Variants in NBEA observed in about 807,000 individuals in gnomAD.
The protein encoded by NBEA is lysosomal-trafficking regulator 2.
In NBEA, 44 loss-of-function variants were observed where a neutral mutation model predicts 343.4. That is an observed-to-expected ratio of 0.13 (90% CI 0.10 to 0.16). The LOEUF (loss-of-function observed/expected upper bound fraction) is 0.16. Ranked by LOEUF, NBEA falls within the 10% of genes least tolerant of loss-of-function variation. The pLI is 1.00. For synonymous variants in NBEA, 1,175 were observed against 1,238.7 expected, an observed-to-expected ratio of 0.95 and a Z score of 1.08; for missense variants, 2,555 against 3,631.3, an observed-to-expected ratio of 0.70 and a Z score of 7.62.
rs540219818 is a variant in NBEA, at chr13:35,632,677, C to T, written c.7617+4429C>T. Among the ~76,000 whole-genome samples the T allele has an allele frequency of 2.6e-5, 4 of 151,918 alleles. 1 individual carries two copies. Among genetic ancestry groups the T allele is most frequent in the African/African-American group, 9.7e-5 (4 of 41,446 alleles). ...GCTGAAGTGCAGCGGCTTACTGCACCCCACCTCCCAGGTTCAAGCAATTCT... is the reference window on the plus strand; with the variant it reads ...GCTGAAGTGCAGCGGCTTACTGCACTCCACCTCCCAGGTTCAAGCAATTCT... On this transcript the variant is annotated intron_variant, in intron 49 of 58. Transcript: ENST00000379939.
At chr13:35,412,667 A>G (rs1296440976) in intron 38 of NBEA, among the ~76,000 whole-genome samples, 1 of 152,126 alleles carries the variant, frequency 6.6e-6, no homozygotes, top group Non-Finnish European at 1.5e-5. Flanking sequence ...CTCTATGTAT[A>G]TCATAGTTAT....
Position 35,173,545 on chromosome 13 carries a change from G to C in NBEA, c.4505G>C (p.Ser1502Thr), listed in dbSNP as rs1344779787. The change falls in exon 27 of 59, where the codon AGT becomes ACT. Residue 1502 changes from serine to threonine, a missense_variant. Physicochemically the swap from Ser to Thr is moderately conservative, Grantham distance 58. Transcript: ENST00000379939. ...DRGNKSSHGS[S>T]KPQEVPQSVT... ...GGAAATAAATCTTCCCATGGAAGCA[G>C]TAAACCTCAGGAAGTTCCTCAAAGT... is the stretch of plus-strand genomic sequence containing the variant. 1.9e-6 allele frequency: 3 copies of C among 1,612,236 alleles called. No homozygotes were observed. The highest frequency in any genetic ancestry group is 1.7e-6 in the Non-Finnish European group (2 of 1,178,814).
intron 36 of NBEA, among the ~76,000 whole-genome samples, chr13:35,328,638 C>T (rs1225717464): frequency 6.6e-6 from 1 of 151,872 alleles, no homozygotes; most frequent in Non-Finnish European, 1.5e-5. Flanking sequence ...ACTATATACC[C>T]ACAAAAATTA....
Position 35,628,131 on chromosome 13 carries a change from T to C in NBEA, c.7500T>C (p.Leu2500=), listed in dbSNP as rs769870232. 6.2e-6 allele frequency: 10 copies of C among 1,613,378 alleles called. No individual in the cohort carries two copies. Among genetic ancestry groups the C allele is most frequent in the Admixed American group, 1.7e-5 (1 of 59,952 alleles). The stretch of plus-strand genomic sequence containing the variant: ...GCCAACTTCATCAGTGGATCGACCT[T>C]ATATTTGGCTATAAGCAGCGAGGAC... The part of the protein sequence containing the change: ...VSCQLHQWID[L]IFGYKQRGPE... Residue 2500 remains leucine (L), a synonymous_variant, in exon 49 of 59, where the codon CTT becomes CTC. Coordinates refer to ENST00000379939, the MANE Select transcript of NBEA (RefSeq NM_001385012.1).
intron 1 of NBEA, among the ~76,000 whole-genome samples, chr13:34,989,123 C>A (rs1368320473): frequency 6.6e-6 from 1 of 150,578 alleles, no homozygotes; most frequent in Non-Finnish European, 1.5e-5. Context: ...TTTAATGATT[C>A]TTCTACATCT....
intron 47 of NBEA, among the ~76,000 whole-genome samples, chr13:35,594,140 T>C (rs553086167): frequency 6.6e-6 from 1 of 152,278 alleles, no homozygotes; most frequent in Non-Finnish European, 1.5e-5. Context: ...TCATTTTTTT[T>C]CCTGATAATA....
At chr13:35,560,778 T>A (rs2153021417) in intron 44 of NBEA, among the ~76,000 whole-genome samples, 1 of 152,302 alleles carries the variant, frequency 6.6e-6, no homozygotes, top group South Asian at 2.1e-4. Context: ...ATGACTGGAT[T>A]GGGGGCTTTC....
chr13:35,645,869 A>G lies in NBEA; in HGVS notation c.7618A>G (p.Ile2540Val). 1.3e-6 allele frequency: 2 copies of G among 1,561,330 alleles called. No individual in the cohort carries two copies. Among genetic ancestry groups the G allele is most frequent in the East Asian group, 2.3e-5 (1 of 44,174 alleles). The change falls in exon 50 of 59, where the codon ATT becomes GTT. Residue 2540 changes from isoleucine to valine, a missense_variant and splice_region_variant. Physicochemically the swap from Ile to Val is conservative, Grantham distance 29. Transcript: ENST00000379939. ...DSITDPVLRE[I>V]PEAYFIRDPH... Reference sequence around the variant, plus strand: ...CTCATTCTTTTTTTTCCCCATTAAGATTCCAGAAGCTTATTTCATTAGAGA... The same window carrying G: ...CTCATTCTTTTTTTTCCCCATTAAGGTTCCAGAAGCTTATTTCATTAGAGA...
chr13:35,584,714 G>A (rs1461853806), intron 46 of NBEA, among the ~76,000 whole-genome samples: 2 of 151,904 alleles, frequency 1.3e-5, no homozygotes, highest in Non-Finnish European at 2.9e-5. Flanking sequence ...TGGCCAGGCT[G>A]GTCTTGAACT....
At chr13:35,045,950 C>T (rs1217178290) in intron 4 of NBEA, among the ~76,000 whole-genome samples, 3 of 152,116 alleles carry the variant, frequency 2.0e-5, no homozygotes, top group South Asian at 4.1e-4. Context: ...TGCTCTCAAA[C>T]TCCTAACCTC....
intron 34 of NBEA, among the ~76,000 whole-genome samples, chr13:35,256,323 G>C (rs1173475489): frequency 6.6e-6 from 1 of 152,228 alleles, no homozygotes; most frequent in Non-Finnish European, 1.5e-5. Context: ...CATGATGTCT[G>C]TGTAAGTCTG....
intron 41 of NBEA, among the ~76,000 whole-genome samples, chr13:35,500,423 T>A (rs746778114): frequency 6.6e-6 from 1 of 152,124 alleles, no homozygotes; most frequent in East Asian, 1.9e-4. Context: ...TGTGGTGTGC[T>A]CCTTTACTGA....
At chr13:35,077,679 A>G (rs2064180376) in intron 10 of NBEA, among the ~76,000 whole-genome samples, 2 of 152,064 alleles carry the variant, frequency 1.3e-5, no homozygotes, top group African/African-American at 2.4e-5. Context: ...GTAATTTTCA[A>G]TGGGTAGAAG....
At position 35,645,938 on chromosome 13, in the gene NBEA, G is replaced by A. The variant is rs1372091850; in HGVS notation, c.7680+7G>A. The A allele has an allele frequency of 2.0e-6, 3 of 1,529,100 alleles. No individual in the cohort carries two copies. Among genetic ancestry groups the A allele is most frequent in the Non-Finnish European group, 2.7e-6 (3 of 1,124,186 alleles). The allele number at this position is 1,529,100 out of a possible 1,614,324, so 94.7% of individuals were successfully genotyped here. A position where few individuals can be genotyped will look rare whatever the true frequency, so the allele number is the denominator to read the frequency against. On this transcript the variant is annotated splice_region_variant and intron_variant, in intron 50 of 58. Transcript: ENST00000379939. ...TACAAAGGACTTTATTAAGGTATATGTTCTGTATTTAGTGTGGAAAGTGTT... is the reference window on the plus strand; with the variant it reads ...TACAAAGGACTTTATTAAGGTATATATTCTGTATTTAGTGTGGAAAGTGTT...
At chr13:34,957,088 T>TAC (rs1424524777) in intron 1 of NBEA, among the ~76,000 whole-genome samples, 7 of 151,854 alleles carry the variant, frequency 4.6e-5, no homozygotes, top group Middle Eastern at 3.4e-3. Flanking sequence ...CACAAACACA[T>TAC]ACACACACAC....
intron 24 of NBEA, among the ~76,000 whole-genome samples, chr13:35,166,427 G>A (rs1340915900): frequency 2.0e-5 from 3 of 152,174 alleles, no homozygotes; most frequent in South Asian, 2.1e-4. Flanking sequence ...AAATTATTAC[G>A]ATTCAATTTT....
chr13:35,253,595 G>A (rs1459250180), intron 34 of NBEA, among the ~76,000 whole-genome samples: 3 of 152,130 alleles, frequency 2.0e-5, no homozygotes, highest in Admixed American at 6.6e-5. Context: ...ATATTATGGT[G>A]TATACCAGGT....
At chr13:35,352,456 T>C in intron 38 of NBEA, 133 bp downstream of exon 38, 1 of 536,272 alleles carries the variant, frequency 1.9e-6, no homozygotes. Flanking sequence ...TTGAAAATTT[T>C]CCTGAAATCT....
chr13:35,112,398 T>C (rs1256278345), intron 13 of NBEA, among the ~76,000 whole-genome samples: 1 of 152,082 alleles, frequency 6.6e-6, no homozygotes, highest in South Asian at 2.1e-4. Context: ...AATAGACATA[T>C]TCATATACAT....
Sources: allele counts gnomAD v4.1 joint callset (sites outside exome capture counted in the v4.1 genomes callset), GRCh38; gene constraint gnomAD v4.1.1; transcripts MANE v1.5; gene names NCBI Gene and HGNC (gene_info 2026-07-23, HGNC 2026-07-21).